The following ADRA1A variants were observed in gnomAD, a reference collection of about 807,000 sequenced individuals.
ADRA1A encodes adrenoceptor alpha 1A.
A neutral mutation model predicts 29.6 loss-of-function variants in ADRA1A; 31 were observed. That is an observed-to-expected ratio of 1.05 (90% confidence interval 0.79 to 1.41). ADRA1A has a LOEUF of 1.41. Ranked by LOEUF, ADRA1A falls within the 40% of genes most tolerant of loss-of-function variation. The probability of loss-of-function intolerance (pLI) is 0.00; values close to 1 mark genes in which losing one functional copy is unlikely to be tolerated. For synonymous variants in ADRA1A, 311 were observed against 254.3 expected (o/e 1.22, Z -2.12); for missense variants, 619 against 601.1 (o/e 1.03, Z -0.31).
rs1195602981 is a variant in ADRA1A at position 26,831,087 on chromosome 8, C to A, written c.883+33000G>T. Reference sequence around the variant, plus strand: ...ACTTAGGAGATTGGCCTGGTTGGGGCTCTGCCATCACAGTCTCTGGAGCTG... The same window carrying A: ...ACTTAGGAGATTGGCCTGGTTGGGGATCTGCCATCACAGTCTCTGGAGCTG... On this transcript the variant is annotated intron_variant, in intron 2 of 2. Coordinates refer to ENST00000380573, the MANE Select transcript of ADRA1A (RefSeq NM_000680.4). The surrounding 1 kb of genome is among the most constrained non-coding windows in gnomAD (Gnocchi z 5.2). Among the ~76,000 whole-genome samples the A allele has an allele frequency of 2.6e-5, 4 of 152,136 alleles. No individual in the cohort carries two copies. The highest frequency in any genetic ancestry group is 9.7e-5 in the African/African-American group (4 of 41,418).
intron 2 of ADRA1A, among the ~76,000 whole-genome samples, chr8:26,820,550 T>C (rs977490746): frequency 6.6e-6 from 1 of 152,210 alleles, no homozygotes; most frequent in Admixed American, 6.5e-5. Flanking sequence ...CATTCTCTTC[T>C]CAGTGTAGAC....
chr8:26,798,437 T>C (rs184347403), intron 2 of ADRA1A, among the ~76,000 whole-genome samples: 66 of 152,342 alleles, frequency 4.3e-4, no homozygotes, highest in African/African-American at 1.6e-3. Context: ...GATCCGAATA[T>C]ACTTATCCCT....
At chr8:26,799,445 G>C (rs1011202819) in intron 2 of ADRA1A, among the ~76,000 whole-genome samples, 1 of 152,190 alleles carries the variant, frequency 6.6e-6, no homozygotes, top group African/African-American at 2.4e-5. Context: ...CAGTGAATCT[G>C]TGTGCTGGTT....
chr8:26,861,955 AT>A (rs972644946), intron 2 of ADRA1A, among the ~76,000 whole-genome samples: 15 of 151,818 alleles, frequency 9.9e-5, no homozygotes, highest in African/African-American at 3.1e-4. Context: ...CAAACAGCCA[AT>A]TTTCCCCCCA....
chr8:26,859,187 T>C, intron 2 of ADRA1A: 1 of 1,288,852 alleles, frequency 7.8e-7, no homozygotes, highest in Non-Finnish European at 1.0e-6. Context: ...CAGCACGTCA[T>C]ATTTAAGAAT....
intron 2 of ADRA1A, among the ~76,000 whole-genome samples, chr8:26,837,145 A>AG (rs1811438321): frequency 1.2e-5 from 1 of 83,252 alleles, no homozygotes; most frequent in Non-Finnish European, 3.2e-5. Context: ...TTGTCAATAG[A>AG]AAAAAAAAAA....
At chr8:26,851,958 T>G (rs1050655852) in intron 2 of ADRA1A, among the ~76,000 whole-genome samples, 3 of 152,196 alleles carry the variant, frequency 2.0e-5, no homozygotes, top group Non-Finnish European at 4.4e-5. Context: ...AAATCTATTG[T>G]GTATTAATTA....
In ADRA1A at chr8:26,760,189, G is replaced by A. The variant is rs76223852; in HGVS notation, c.1270-3410C>T. ...GAATATATCACTCTGTGTCTGTCAG[G>A]GAACACTGTGAGGCAATACAAGGGT... On this transcript the variant is annotated intron_variant, in intron 2 of 2. Coordinates refer to the ADRA1A transcript ENST00000380582. Among the ~76,000 whole-genome samples, 163 of 152,318 alleles carry A rather than the reference G, an allele frequency of 1.1e-3. 2 individuals are homozygous for A. The East Asian group carries it at 0.022, about 21-fold the overall frequency.
chr8:26,829,444 A>G (rs939350641), intron 2 of ADRA1A, among the ~76,000 whole-genome samples: 1 of 152,214 alleles, frequency 6.6e-6, no homozygotes, highest in Non-Finnish European at 1.5e-5. Flanking sequence ...AAAGATCCCA[A>G]TCCATCTCAT....
chr8:26,821,641 G>A lies in ADRA1A; in HGVS notation c.883+42446C>T, dbSNP rs760459783. 7.9e-5 allele frequency among the ~76,000 whole-genome samples: 12 copies of A among 152,060 alleles called. No individual in the cohort carries two copies. Among genetic ancestry groups the A allele is most frequent in the Non-Finnish European group, 1.2e-4 (8 of 68,006 alleles). On this transcript the variant is annotated intron_variant, in intron 2 of 2. Coordinates refer to ENST00000380573, the MANE Select transcript of ADRA1A (RefSeq NM_000680.4). This position sits in a 1 kb window ranked among gnomAD's most constrained non-coding sequence, Gnocchi z 5.6. ...CAATGGCAACATCTTGCAAAACTAC[G>A]GTACAATATCACAACCAGGATATTG...
At chr8:26,854,037 C>G (rs1165293744) in intron 2 of ADRA1A, 1 of 152,034 alleles carries the variant, frequency 6.6e-6, no homozygotes, top group Non-Finnish European at 1.5e-5. Flanking sequence ...TCTCTGCTGT[C>G]CACTTGGCTT....
chr8:26,750,211 C>CT (rs1166416200), intron 2 of ADRA1A, among the ~76,000 whole-genome samples: 21 of 151,716 alleles, frequency 1.4e-4, no homozygotes, highest in African/African-American at 2.9e-4. Context: ...TCTTCTTTTT[C>CT]TTTTTTTTGA....
chr8:26,840,407 C>T (rs1811733077), intron 2 of ADRA1A, among the ~76,000 whole-genome samples: 2 of 152,172 alleles, frequency 1.3e-5, no homozygotes, highest in Admixed American at 1.3e-4. Flanking sequence ...CAGTCGAGCC[C>T]TGCTCCACTG....
At position 26,787,215 on chromosome 8, in the gene ADRA1A, G is replaced by A. The variant is rs969617275; in HGVS notation, c.884-16549C>T. Among the ~76,000 whole-genome samples, 2 of 152,142 alleles carry A rather than the reference G, an allele frequency of 1.3e-5. No homozygotes were observed. The highest frequency in any genetic ancestry group is 4.8e-5 in the African/African-American group (2 of 41,424). On this transcript the variant is annotated intron_variant, in intron 2 of 2. Coordinates refer to ENST00000380573, the MANE Select transcript of ADRA1A (RefSeq NM_000680.4). The surrounding 1 kb of genome is among the most constrained non-coding windows in gnomAD (Gnocchi z 4.2). The stretch of plus-strand genomic sequence containing the variant: ...CTTTATAGTGAAAATAGTGCACAGA[G>A]CCATAGTACTTGAAGTTCAAAACAA...
At chr8:26,828,768 A>G (rs2130638255) in intron 2 of ADRA1A, among the ~76,000 whole-genome samples, 1 of 152,214 alleles carries the variant, frequency 6.6e-6, no homozygotes, top group South Asian at 2.1e-4. Context: ...GTGGTCAGTG[A>G]TCTAGTATTC....
In ADRA1A at chr8:26,864,040, A is replaced by T; in HGVS notation, c.883+47T>A. On this transcript the variant is annotated intron_variant, in intron 2 of 2. Transcript: ENST00000380573. This position sits in a 1 kb window ranked among gnomAD's most constrained non-coding sequence, Gnocchi z 8.1. Reference sequence around the variant, plus strand: ...GAGTCTGGGGTAACAGAAGCCGAGGAGGGTGAAGACCCCCAGATGCTAAAG... The same window carrying T: ...GAGTCTGGGGTAACAGAAGCCGAGGTGGGTGAAGACCCCCAGATGCTAAAG... 1.3e-6 allele frequency: 2 copies of T among 1,548,620 alleles called. No individual in the cohort carries two copies. The highest frequency in any genetic ancestry group is 1.7e-6 in the Non-Finnish European group (2 of 1,147,258).
intron 2 of ADRA1A, among the ~76,000 whole-genome samples, chr8:26,777,606 T>A (rs759171779): frequency 6.6e-6 from 1 of 152,248 alleles, no homozygotes; most frequent in Admixed American, 6.5e-5. Context: ...CATTCATGTA[T>A]CTGAGTAAAG....
chr8:26,828,883 C>A (rs1438487247), intron 2 of ADRA1A, among the ~76,000 whole-genome samples: 1 of 152,140 alleles, frequency 6.6e-6, no homozygotes, highest in African/African-American at 2.4e-5. Flanking sequence ...GACCTCATTC[C>A]AACCCTGCCT....
chr8:26,786,712 C>G (rs1030296292), intron 2 of ADRA1A, among the ~76,000 whole-genome samples: 1 of 150,236 alleles, frequency 6.7e-6, no homozygotes, highest in Non-Finnish European at 1.5e-5. Context: ...TCCCCTTCCA[C>G]CCATCCATAT....
Sources: gnomAD v4.1 joint callset for allele counts (sites outside exome capture counted in the v4.1 genomes callset) on GRCh38, gnomAD v4.1.1 for gene constraint, Gnocchi (gnomAD v3.1) non-coding constraint, MANE v1.5 for transcripts, NCBI Gene and HGNC (gene_info 2026-07-23, HGNC 2026-07-21) for gene names.